EPHA8: variants seen among roughly 807,000 people sequenced by gnomAD.
The protein encoded by EPHA8 is EPH receptor A8.
Under a neutral mutation model 103.6 loss-of-function variants are expected in EPHA8, and 58 were observed. That is an observed-to-expected ratio of 0.56 (90% CI 0.45 to 0.70). The LOEUF is 0.70. Ranked by LOEUF, EPHA8 falls within the 30% of genes least tolerant of loss-of-function variation. The probability of loss-of-function intolerance (pLI) is 0.00; values close to 1 mark genes in which losing one functional copy is unlikely to be tolerated. For missense variants in EPHA8, 1,304 were observed against 1,395.2 expected (o/e 0.93, Z 1.04); for synonymous variants, 559 against 572.5 (o/e 0.98, Z 0.34).
chr1:22,587,204 G>A (rs975136357), intron 4 of EPHA8, among the ~76,000 whole-genome samples: 5 of 152,244 alleles, frequency 3.3e-5, no homozygotes, highest in Non-Finnish European at 5.9e-5. Context: ...TACAGACGAC[G>A]CCTGTATCGT....
intron 2 of EPHA8, among the ~76,000 whole-genome samples, chr1:22,570,283 C>T (rs10917251): frequency 0.013 from 1,976 of 152,044 alleles, 13 homozygotes; most frequent in Non-Finnish European, 0.018. Flanking sequence ...CACATGCACG[C>T]GCGTACACAC....
intron 3 of EPHA8, among the ~76,000 whole-genome samples, chr1:22,580,542 C>G (rs1343546153): frequency 6.6e-6 from 1 of 152,188 alleles, no homozygotes; most frequent in Non-Finnish European, 1.5e-5. Flanking sequence ...TGGCATTTGC[C>G]CATTTCTGGA....
At chr1:22,599,771 G>A (rs1473617404) in intron 13 of EPHA8, among the ~76,000 whole-genome samples, 2 of 83,142 alleles carry the variant, frequency 2.4e-5, no homozygotes, top group African/African-American at 1.1e-4. Flanking sequence ...AGGGAGAGAG[G>A]GAGGAAGGGG....
At chr1:22,577,797 C>T (rs546823132) in intron 3 of EPHA8, among the ~76,000 whole-genome samples, 61 of 127,108 alleles carry the variant, frequency 4.8e-4, no homozygotes, top group African/African-American at 1.4e-3. Flanking sequence ...TGCGTGTGTG[C>T]GTAAGTGTAT....
rs772415643 is a variant in EPHA8, at chr1:22,585,027, CTG to C, written c.824-1430_824-1429del. Among the ~76,000 whole-genome samples the C allele has an allele frequency of 4.3e-3, 641 of 147,360 alleles. 2 individuals carry two copies. Among genetic ancestry groups the C allele is most frequent in the Admixed American group, 9.1e-3 (134 of 14,752 alleles). Reference sequence around the variant, plus strand: ...AGCAGGGCGGGGAATGGTCGTTTCTCTGTGTGTGTGTGTGTGTGTGTGTGCGC... The same window carrying C: ...AGCAGGGCGGGGAATGGTCGTTTCTCTGTGTGTGTGTGTGTGTGTGTGCGC... On this transcript the variant is annotated intron_variant, in intron 3 of 16. Transcript: ENST00000166244.
Position 22,598,400 on chromosome 1 carries a change from A to G in EPHA8, c.2178+188A>G, listed in dbSNP as rs1405503837. Among the ~76,000 whole-genome samples the G allele has an allele frequency of 6.6e-6, 1 of 152,128 alleles. No individual in the cohort carries two copies. Among genetic ancestry groups the G allele is most frequent in the Non-Finnish European group, 1.5e-5 (1 of 68,014 alleles). ...CGAACTGCCTTTCGGCCCCCATTGC[A>G]TGAAAGTCCCTCTGCTCCATGGGAT... On this transcript the variant is annotated intron_variant, in intron 12 of 16. Transcript: ENST00000166244. This position sits in a 1 kb window ranked among gnomAD's most constrained non-coding sequence, Gnocchi z 5.1.
At chr1:22,582,886 A>G (rs1453068746) in intron 3 of EPHA8, among the ~76,000 whole-genome samples, 1 of 152,224 alleles carries the variant, frequency 6.6e-6, no homozygotes, top group Non-Finnish European at 1.5e-5. Context: ...TCGCGGCCCT[A>G]ATCATCTTTC....
rs1553149231 is a variant in EPHA8, at chr1:22,599,641, G to GGGAGGGAGGAA, written c.2388+601_2388+602insGGAAGGAGGGA. ...AGGAAGAAGGGAAGGAAGGAAGGGA[G>GGGAGGGAGGAA]GGAGGGAAGGAAGGAAAGGAGGGAG... On this transcript the variant is annotated intron_variant, in intron 13 of 16. Coordinates refer to ENST00000166244, the MANE Select transcript of EPHA8 (RefSeq NM_020526.5). Among the ~76,000 whole-genome samples the GGGAGGGAGGAA allele has an allele frequency of 2.9e-4, 21 of 73,480 alleles. 1 individual carries two copies. The highest frequency in any genetic ancestry group is 1.6e-3 in the African/African-American group (20 of 12,546). The allele number at this position is 73,480 out of a possible 152,430, so 48.2% of individuals were successfully genotyped here.
chr1:22,577,883 T>TGAGTGTGTG (rs1557558479), intron 3 of EPHA8, among the ~76,000 whole-genome samples: 1 of 97,960 alleles, frequency 1.0e-5, no homozygotes, highest in Admixed American at 1.0e-4. Flanking sequence ...GGGCCTGTGT[T>TGAGTGTGTG]CATGAGTGTG....
chr1:22,581,357 C>G (rs1641041820), intron 3 of EPHA8, among the ~76,000 whole-genome samples: 1 of 152,222 alleles, frequency 6.6e-6, no homozygotes, highest in African/African-American at 2.4e-5. Flanking sequence ...GCCACCGTCC[C>G]CAAGTCTGGA....
At chr1:22,578,271 T>C (rs1164566322) in intron 3 of EPHA8, among the ~76,000 whole-genome samples, 1 of 150,498 alleles carries the variant, frequency 6.6e-6, no homozygotes, top group East Asian at 2.0e-4. Flanking sequence ...CGTGTGTGCA[T>C]GAGTGCATGT....
chr1:22,569,509 T>C lies in EPHA8; in HGVS notation c.159+156T>C, dbSNP rs1389323345. On this transcript the variant is annotated intron_variant, in intron 2 of 16. Coordinates refer to ENST00000166244, the MANE Select transcript of EPHA8 (RefSeq NM_020526.5). This position sits in a 1 kb window ranked among gnomAD's most constrained non-coding sequence, Gnocchi z 4.5. Reference sequence around the variant, plus strand: ...CACAGCAGTTAGTGCTGCTGATCTCTTAACAGTTTAGTGCATACAGACCCT... The same window carrying C: ...CACAGCAGTTAGTGCTGCTGATCTCCTAACAGTTTAGTGCATACAGACCCT... Among the ~76,000 whole-genome samples the C allele has an allele frequency of 6.6e-6, 1 of 152,174 alleles. No individual in the cohort carries two copies. The highest frequency in any genetic ancestry group is 1.5e-5 in the Non-Finnish European group (1 of 68,028).
Position 22,586,603 on chromosome 1 carries a change from C to T in EPHA8, c.947C>T (p.Ala316Val). ...ACHCDLSYYR[A>V]ALDPPSSACT... Reference sequence around the variant, plus strand: ...CACTGTGACCTCAGCTACTACCGTGCAGCCCTGGACCCGCCGTCCTCAGCC... The same window carrying T: ...CACTGTGACCTCAGCTACTACCGTGTAGCCCTGGACCCGCCGTCCTCAGCC... The change falls in exon 4 of 17, where the codon GCA becomes GTA. Residue 316 changes from alanine (A) to valine (V), a missense_variant. Physicochemically the swap from Ala to Val is moderately conservative, Grantham distance 64. Transcript: ENST00000166244. The T allele has an allele frequency of 1.2e-6, 2 of 1,614,000 alleles. No homozygotes were observed. Among genetic ancestry groups the T allele is most frequent in the Non-Finnish European group, 1.7e-6 (2 of 1,179,980 alleles).
rs147107186 is a variant in EPHA8 at position 22,569,313 on chromosome 1, T to C, written c.119T>C (p.Ile40Thr). 51 of 1,611,018 alleles carry C rather than the reference T, an allele frequency of 3.2e-5. No individual in the cohort carries two copies. In the Middle Eastern group the frequency reaches 2.6e-3, roughly 84 times the overall value. ...GTGAATTTGCTGGACACGTCGACCATCCACGGGGACTGGGGCTGGCTCACG... is the reference window on the plus strand; with the variant it reads ...GTGAATTTGCTGGACACGTCGACCACCCACGGGGACTGGGGCTGGCTCACG... ...GEVNLLDTST[I>T]HGDWGWLTYP... is the part of the protein sequence containing the mutation. Residue 40 changes from isoleucine to threonine, a missense_variant, in exon 2 of 17, where the codon ATC (isoleucine) becomes ACC (threonine). Coordinates refer to ENST00000166244, the MANE Select transcript of EPHA8 (RefSeq NM_020526.5). This position sits in a 1 kb window ranked among gnomAD's most constrained non-coding sequence, Gnocchi z 4.5.
At chr1:22,572,636 A>AT (rs1231181444) in intron 2 of EPHA8, among the ~76,000 whole-genome samples, 6 of 152,234 alleles carry the variant, frequency 3.9e-5, no homozygotes, top group Admixed American at 1.3e-4. Context: ...CCTGGAGTAG[A>AT]TGGAAGGAGC....
Position 22,567,177 on chromosome 1 carries a change from C to T in EPHA8, c.95-2112C>T, listed in dbSNP as rs1386314190. ...GAGTGGCTCCGGGATAGGGACAGGT[C>T]TGGGCTGCATCCAGGCCAGGTCACA... On this transcript the variant is annotated intron_variant, in intron 1 of 16. Coordinates refer to ENST00000166244, the MANE Select transcript of EPHA8 (RefSeq NM_020526.5). The surrounding 1 kb of genome is among the most constrained non-coding windows in gnomAD (Gnocchi z 4.2). 6.6e-6 allele frequency among the ~76,000 whole-genome samples: 1 copy of T among 152,148 alleles called. No homozygotes were observed. The highest frequency in any genetic ancestry group is 1.5e-5 in the Non-Finnish European group (1 of 68,012).
chr1:22,597,920 C>G lies in EPHA8; in HGVS notation c.2116+59C>G, dbSNP rs1641568861. The G allele has an allele frequency of 6.4e-7, 1 of 1,564,858 alleles. No individual in the cohort carries two copies. Among genetic ancestry groups the G allele is most frequent in the African/African-American group, 1.4e-5 (1 of 74,002 alleles). On this transcript the variant is annotated intron_variant, in intron 11 of 16. Coordinates refer to ENST00000166244, the MANE Select transcript of EPHA8 (RefSeq NM_020526.5). This position sits in a 1 kb window ranked among gnomAD's most constrained non-coding sequence, Gnocchi z 4.6. ...GTGCCCCTCCTGCCTGGAGAGGCCT[C>G]TGGGTCCATCCCCTCATCCATCCTG... is the stretch of plus-strand genomic sequence containing the variant.
At chr1:22,568,640 T>G (rs774796355) in intron 1 of EPHA8, among the ~76,000 whole-genome samples, 5 of 152,234 alleles carry the variant, frequency 3.3e-5, no homozygotes, top group Non-Finnish European at 7.3e-5. Context: ...ACATAGTGGG[T>G]GCCCACTAAG....
chr1:22,569,367 A>C lies in EPHA8; in HGVS notation c.159+14A>C. The stretch of plus-strand genomic sequence containing the variant: ...CCGGCTCATGGGGTGAGTGATGGGC[A>C]CTGGGGACAACGTCATCCCTCTGTG... On this transcript the variant is annotated intron_variant, in intron 2 of 16. Coordinates refer to ENST00000166244, the MANE Select transcript of EPHA8 (RefSeq NM_020526.5). The surrounding 1 kb of genome is among the most constrained non-coding windows in gnomAD (Gnocchi z 4.5). The C allele has an allele frequency of 6.3e-7, 1 of 1,577,554 alleles. No individual in the cohort carries two copies. Among genetic ancestry groups the C allele is most frequent in the South Asian group, 1.2e-5 (1 of 83,624 alleles).
Sources: gnomAD v4.1 joint callset for allele counts (sites outside exome capture counted in the v4.1 genomes callset) on GRCh38, gnomAD v4.1.1 for gene constraint, Gnocchi (gnomAD v3.1) non-coding constraint, MANE v1.5 for transcripts, NCBI Gene and HGNC (gene_info 2026-07-23, HGNC 2026-07-21) for gene names.